ADAMDEC1: variants seen among roughly 807,000 people sequenced by gnomAD.
ADAMDEC1 encodes the protein ADAM DEC1.
A neutral mutation model predicts 60.4 loss-of-function variants in ADAMDEC1; 62 were observed. The observed-to-expected ratio is 1.03, with a 90% CI of 0.84 to 1.27. The LOEUF is 1.27. ADAMDEC1 is among the 50% of genes most tolerant of loss of function. ADAMDEC1 has a pLI of 0.00. For missense variants in ADAMDEC1, 595 were observed against 565.0 expected, an observed-to-expected ratio of 1.05 and a Z score of -0.54; for synonymous variants, 210 against 195.1, an observed-to-expected ratio of 1.08 and a Z score of -0.64.
In ADAMDEC1 at chr8:24,405,356, A is replaced by G. The variant is rs1817863692; in HGVS notation, c.*58A>G. Reference sequence around the variant, plus strand: ...TGCCAGGACAAGAACCAAGAACTCTAACTGTCCCAGGAATCTTGTGAATTT... The same window carrying G: ...TGCCAGGACAAGAACCAAGAACTCTGACTGTCCCAGGAATCTTGTGAATTT... On this transcript the variant is annotated 3_prime_UTR_variant, in exon 14 of 14. Coordinates refer to ENST00000256412, the MANE Select transcript of ADAMDEC1 (RefSeq NM_014479.3). 1 of 1,590,956 alleles carries G rather than the reference A, an allele frequency of 6.3e-7. No individual in the cohort carries two copies. Among genetic ancestry groups the G allele is most frequent in the East Asian group, 2.2e-5 (1 of 44,568 alleles).
At chr8:24,395,498 T>C (rs537311022) in intron 4 of ADAMDEC1, among the ~76,000 whole-genome samples, 64 of 152,196 alleles carry the variant, frequency 4.2e-4, no homozygotes, top group African/African-American at 1.4e-3. Context: ...ATATAGAGAG[T>C]TTCCAGTGAA....
intron 2 of ADAMDEC1, among the ~76,000 whole-genome samples, 174 bp downstream of exon 2, chr8:24,392,554 A>G (rs1167872776): frequency 1.3e-5 from 2 of 152,184 alleles, no homozygotes; most frequent in Admixed American, 6.5e-5. Context: ...GAATGCTGCT[A>G]TGGTTAAGCA....
chr8:24,394,718 C>A (rs924847823), intron 4 of ADAMDEC1, among the ~76,000 whole-genome samples: 1 of 151,880 alleles, frequency 6.6e-6, no homozygotes, highest in Non-Finnish European at 1.5e-5. Flanking sequence ...CTACAAGGTA[C>A]CCTAAACCTG....
At chr8:24,399,103 C>T in intron 9 of ADAMDEC1, 63 bp downstream of exon 9, 1 of 1,515,066 alleles carries the variant, frequency 6.6e-7, no homozygotes, top group East Asian at 2.3e-5. Flanking sequence ...GGTTCCTTAG[C>T]AGGGATTTCC....
At chr8:24,399,519 A>G (rs941538707) in intron 10 of ADAMDEC1, 45 bp downstream of exon 10, 8 of 1,460,396 alleles carry the variant, frequency 5.5e-6, no homozygotes, top group African/African-American at 4.2e-5. Flanking sequence ...TGTATCCTCT[A>G]TGAAGGCCAG....
chr8:24,393,241 G>C (rs953814461), intron 2 of ADAMDEC1, 21 bp from the exon 3 acceptor site: 9 of 1,445,658 alleles, frequency 6.2e-6, no homozygotes, highest in Non-Finnish European at 8.6e-6. Context: ...TAAATTGCTT[G>C]ATGTAATTAA....
At position 24,397,662 on chromosome 8, in the gene ADAMDEC1, G is replaced by A. The variant is rs555772909; in HGVS notation, c.628-21G>A. On this transcript the variant is annotated intron_variant, in intron 6 of 13. Transcript: ENST00000256412. ...TAGGATAAAGATAATGATTAACAAT[G>A]TTCTTTTATTCTTTGTAAAGAAAGA... The A allele has an allele frequency of 1.1e-5, 17 of 1,602,256 alleles. No individual in the cohort carries two copies. In the South Asian group the frequency reaches 1.1e-4, roughly 10 times the overall value.
At chr8:24,390,617 G>C (rs1817418634) in intron 1 of ADAMDEC1, among the ~76,000 whole-genome samples, 1 of 152,172 alleles carries the variant, frequency 6.6e-6, no homozygotes, top group Non-Finnish European at 1.5e-5. Flanking sequence ...CTACTCAGGA[G>C]GTTGAGGCAG....
intron 1 of ADAMDEC1, chr8:24,387,950 G>A (rs1450215597): frequency 6.6e-6 from 1 of 152,618 alleles, no homozygotes; most frequent in Non-Finnish European, 1.5e-5. Flanking sequence ...GGAGAAGCTG[G>A]AGCTGCTTGC....
rs1299343048 is a variant in ADAMDEC1 at position 24,398,917 on chromosome 8, A to G, written c.806A>G (p.Glu269Gly). 2.5e-6 allele frequency: 4 copies of G among 1,613,918 alleles called. No homozygotes were observed. The highest frequency in any genetic ancestry group is 3.4e-6 in the Non-Finnish European group (4 of 1,179,906). The change falls in exon 9 of 14, where the codon GAA becomes GGA. Residue 269 changes from glutamate (E) to glycine (G), a missense_variant. Transcript: ENST00000256412. The stretch of plus-strand genomic sequence containing the variant: ...GTTCAAGTGGCCTTGGTAGGTATGG[A>G]AATCTGGTCTGATGGGGATAAGATA... The part of the protein sequence containing the change: ...IDVQVALVGM[E>G]IWSDGDKIKV...
intron 4 of ADAMDEC1, among the ~76,000 whole-genome samples, chr8:24,394,862 T>A (rs1312877965): frequency 6.6e-6 from 1 of 152,208 alleles, no homozygotes; most frequent in African/African-American, 2.4e-5. Context: ...ATAAATTAAT[T>A]TATGCTCAAT....
At chr8:24,397,079 A>G (rs1220914199) in intron 5 of ADAMDEC1, among the ~76,000 whole-genome samples, 191 bp from the exon 6 acceptor site, 1 of 152,206 alleles carries the variant, frequency 6.6e-6, no homozygotes, top group Non-Finnish European at 1.5e-5. Context: ...CTCTTGGTAA[A>G]TAAGTTAGGC....
chr8:24,391,331 A>G (rs186668354), intron 1 of ADAMDEC1, among the ~76,000 whole-genome samples: 3 of 152,326 alleles, frequency 2.0e-5, no homozygotes, highest in African/African-American at 7.2e-5. Flanking sequence ...ATTAAAAGAA[A>G]AAATAGAAAA....
In ADAMDEC1 at chr8:24,401,975, A is replaced by G; in HGVS notation, c.1203A>G (p.Leu401=). ...SCRAHFERYL[L]SQKPKCLLQA... The stretch of plus-strand genomic sequence containing the variant: ...GTGCACATTTTGAAAGATACCTTTT[A>G]TCTCAGAAACCAAAGTGCCTGCTGC... Residue 401 remains leucine, a synonymous_variant, in exon 12 of 14, where the codon TTA becomes TTG. Coordinates refer to ENST00000256412, the MANE Select transcript of ADAMDEC1 (RefSeq NM_014479.3). 2 of 1,613,410 alleles carry G rather than the reference A, an allele frequency of 1.2e-6. No homozygotes were observed. Among genetic ancestry groups the G allele is most frequent in the Non-Finnish European group, 1.7e-6 (2 of 1,179,632 alleles).
At position 24,392,893 on chromosome 8, in the gene ADAMDEC1, T is replaced by G. The variant is rs10088857; in HGVS notation, c.208-369T>G. Among the ~76,000 whole-genome samples, 73 of 143,498 alleles carry G rather than the reference T, an allele frequency of 5.1e-4. 1 individual carries two copies. The highest frequency in any genetic ancestry group is 1.8e-3 in the African/African-American group (67 of 37,322). 94.1% of individuals were successfully genotyped at this position (143,498 alleles called of 152,430 possible). A position where few individuals can be genotyped will look rare whatever the true frequency, so the allele number is the denominator to read the frequency against. On this transcript the variant is annotated intron_variant, in intron 2 of 13. Transcript: ENST00000256412. ...TTCTTAGTGGGTTGAGAGGTTTTTT[T>G]TTTTTTTTTTTTTTTTTTTAGTATT...
At chr8:24,396,163 G>A (rs571753359) in intron 5 of ADAMDEC1, among the ~76,000 whole-genome samples, 15 of 152,244 alleles carry the variant, frequency 9.9e-5, no homozygotes, top group South Asian at 4.1e-4. Flanking sequence ...TTCTGTTTAC[G>A]TAGATAATTA....
At chr8:24,397,504 A>G (rs1817646851) in intron 6 of ADAMDEC1, 48 bp downstream of exon 6, 1 of 1,592,866 alleles carries the variant, frequency 6.3e-7, no homozygotes, top group Admixed American at 1.7e-5. Flanking sequence ...TGTCTCAGCA[A>G]AGATAGGCAA....
chr8:24,385,208 G>C (rs1251422271), intron 1 of ADAMDEC1, among the ~76,000 whole-genome samples: 1 of 152,132 alleles, frequency 6.6e-6, no homozygotes, highest in Non-Finnish European at 1.5e-5. Flanking sequence ...TAAAAGCCAA[G>C]CTGTAAACCT....
In ADAMDEC1 at chr8:24,393,316, AT is replaced by A; in HGVS notation, c.264del (p.Leu89SerfsTer43). On this transcript the variant is annotated frameshift_variant, in exon 3 of 14. Transcript: ENST00000256412. LOFTEE classifies it high-confidence loss of function. Reference sequence around the variant, plus strand: ...GATGATCTTAAATGGAGAAGAAATCATTCTCTCCCTACAAAAAACCAAGTAA... The same window carrying A: ...GATGATCTTAAATGGAGAAGAAATCATCTCTCCCTACAAAAAACCAAGTAA... ...YQMILNGEEI[I>X]LSLQKTKHLL... 1 of 1,605,650 alleles carries A rather than the reference AT, an allele frequency of 6.2e-7. No homozygotes were observed. The highest frequency in any genetic ancestry group is 8.5e-7 in the Non-Finnish European group (1 of 1,174,722).
Sources: allele counts gnomAD v4.1 joint callset (sites outside exome capture counted in the v4.1 genomes callset), GRCh38; gene constraint gnomAD v4.1.1; transcripts MANE v1.5; gene names NCBI Gene and HGNC (gene_info 2026-07-23, HGNC 2026-07-21).